The following ALG12 variants were observed in gnomAD, a reference collection of about 807,000 sequenced individuals.
ALG12 encodes the protein dol-P-Man:Man(7)GlcNAc(2)-PP-Dol alpha-1,6-mannosyltransferase.
Under a neutral mutation model 46.0 loss-of-function variants are expected in ALG12, and 36 were observed. The ratio of observed to expected loss-of-function variants is 0.78; its 90% CI spans 0.60 to 1.03. The LOEUF (loss-of-function observed/expected upper bound fraction) is 1.03, where lower values mean the gene tolerates loss of function less well. ALG12 is among the 50% of genes least tolerant of loss of function. ALG12 has a pLI of 0.00. For synonymous variants in ALG12, 326 were observed against 291.6 expected, an observed-to-expected ratio of 1.12 and a Z score of -1.20; for missense variants, 599 against 633.5, an observed-to-expected ratio of 0.95 and a Z score of 0.58.
the ALG12 span, chr22:49,884,734 C>G: frequency 6.3e-7 from 1 of 1,592,996 alleles, no homozygotes. Flanking sequence ...CCCTCCCACT[C>G]TGCTGCCTTC....
At chr22:49,897,166 T>C (rs2060486722), downstream of ALG12, among the ~76,000 whole-genome samples, 1 of 152,234 alleles carries the variant, frequency 6.6e-6, no homozygotes, top group African/African-American at 2.4e-5. Flanking sequence ...TTCTATGGGC[T>C]AGTCATTCAC....
the ALG12 span, among the ~76,000 whole-genome samples, chr22:49,894,592 T>G: frequency 6.6e-6 from 1 of 152,108 alleles, no homozygotes; most frequent in South Asian, 2.1e-4. Flanking sequence ...AGTGACCAAG[T>G]GGTGAGGTTA....
intron 5 of ALG12, among the ~76,000 whole-genome samples, chr22:49,909,574 A>G (rs1569175938): frequency 6.6e-6 from 1 of 152,154 alleles, no homozygotes; most frequent in Non-Finnish European, 1.5e-5. Context: ...TAAAACAAAA[A>G]AAGAAAAAAG....
rs1345011862 is a variant in ALG12 at position 49,909,293 on chromosome 22, C to T, written c.719G>A (p.Gly240Glu). Residue 240 changes from glycine (G) to glutamate (E), a missense_variant, in exon 6 of 10, where the codon GGA becomes GAA. By Grantham distance (98) the Gly-to-Glu change is moderately conservative. Coordinates refer to ENST00000330817, the MANE Select transcript of ALG12 (RefSeq NM_024105.4). The stretch of plus-strand genomic sequence containing the variant: ...GACAGTGTTGTACCAAAGCACCTTT[C>T]CTTCCGGCCAAGTGAGCTGCCGCCA... ...YFWRQLTWPE[G>E]KVLWYNTVLN... 54 of 1,614,144 alleles carry T rather than the reference C, an allele frequency of 3.3e-5. No individual in the cohort carries two copies. Among genetic ancestry groups the T allele is most frequent in the Non-Finnish European group, 4.6e-5 (54 of 1,180,060 alleles).
chr22:49,886,515 G>A, the ALG12 span: 2 of 1,569,504 alleles, frequency 1.3e-6, no homozygotes, highest in African/African-American at 1.3e-5. This position sits in a 1 kb window ranked among gnomAD's most constrained non-coding sequence, Gnocchi z 7.7. Context: ...GCACGCAGAT[G>A]TCCACCCTCA....
intron 3 of ALG12, among the ~76,000 whole-genome samples, chr22:49,911,735 G>A (rs1366810198): frequency 6.6e-6 from 1 of 152,154 alleles, no homozygotes; most frequent in Non-Finnish European, 1.5e-5. Context: ...TGCCCAGTCT[G>A]AATGTCTTAA....
the ALG12 span, among the ~76,000 whole-genome samples, chr22:49,865,266 T>A: frequency 2.0e-5 from 3 of 151,934 alleles, no homozygotes; most frequent in Admixed American, 2.0e-4. Context: ...AGTAAACAGA[T>A]GGTGTCGTTA....
At chr22:49,889,148 GC>G in the ALG12 span, 1,568 of 167,304 alleles carry the variant, frequency 9.4e-3, 19 homozygotes, top group South Asian at 0.027. Context: ...TTCCTGGAAT[GC>G]AACAGAGATT....
chr22:49,899,818 CCAGT>C (rs1481050282), downstream of ALG12, among the ~76,000 whole-genome samples: 5 of 151,816 alleles, frequency 3.3e-5, no homozygotes, highest in South Asian at 2.1e-4. Flanking sequence ...AGAGTGCCAG[CCAGT>C]GAGAAATCCT....
the ALG12 span, among the ~76,000 whole-genome samples, chr22:49,872,239 C>G: frequency 2.6e-5 from 4 of 152,282 alleles, no homozygotes; most frequent in East Asian, 7.7e-4. Context: ...TAACAGTGTT[C>G]ATAGCATCTC....
chr22:49,915,508 G>C (rs2060604562), intron 1 of ALG12, among the ~76,000 whole-genome samples: 1 of 151,554 alleles, frequency 6.6e-6, no homozygotes, highest in African/African-American at 2.4e-5. Context: ...AGTGAGCCGA[G>C]ATCACACCAC....
the ALG12 span, among the ~76,000 whole-genome samples, chr22:49,873,853 G>A: frequency 1.3e-5 from 1 of 79,816 alleles, no homozygotes; most frequent in Non-Finnish European, 4.0e-5. Flanking sequence ...CACCTTGTAG[G>A]TTGGAGCGAG....
downstream of ALG12, among the ~76,000 whole-genome samples, chr22:49,896,711 C>T (rs890072629): frequency 1.5e-4 from 23 of 152,240 alleles, no homozygotes; most frequent in Non-Finnish European, 3.2e-4. Flanking sequence ...TCTCAGCTCA[C>T]TGCAACCTCC....
At chr22:49,860,114 A>G in the ALG12 span, among the ~76,000 whole-genome samples, 3 of 142,294 alleles carry the variant, frequency 2.1e-5, no homozygotes, top group African/African-American at 5.3e-5. Flanking sequence ...TCTAGGCAGC[A>G]TGGCAGAACC....
rs999974341 is a variant in ALG12 at position 49,900,919 on chromosome 22, G to C, written c.*2919C>G. 6.6e-6 allele frequency: 1 copy of C among 152,278 alleles called. No individual in the cohort carries two copies. The highest frequency in any genetic ancestry group is 1.5e-5 in the Non-Finnish European group (1 of 68,084). The allele number at this position is 152,278 out of a possible 1,614,324, so 9.4% of individuals were successfully genotyped here. A position where few individuals can be genotyped will look rare whatever the true frequency, so the allele number is the denominator to read the frequency against. Reference sequence around the variant, plus strand: ...CGAGCACACCTCGTGTCTAGATCCCGGTCTCTAACGCTGTTCCCCACCAAA... The same window carrying C: ...CGAGCACACCTCGTGTCTAGATCCCCGTCTCTAACGCTGTTCCCCACCAAA... On this transcript the variant is annotated 3_prime_UTR_variant, in exon 10 of 10. Transcript: ENST00000330817.
chr22:49,890,657 A>G, the ALG12 span, among the ~76,000 whole-genome samples: 115,271 of 152,126 alleles, frequency 0.76, 44,228 homozygotes, highest in East Asian at 0.91. Flanking sequence ...AAAGACACTG[A>G]TGAGGCTTTC....
At chr22:49,885,396 G>T in the ALG12 span, 2 of 1,600,504 alleles carry the variant, frequency 1.2e-6, no homozygotes, top group South Asian at 1.1e-5. Flanking sequence ...CAAAAGTCGT[G>T]TGCTTGCACT....
chr22:49,885,573 C>T, the ALG12 span: 13 of 1,603,160 alleles, frequency 8.1e-6, no homozygotes, highest in East Asian at 1.1e-4. Context: ...AATTATCAGG[C>T]GCTTCCTCTT....
chr22:49,891,643 G>A, the ALG12 span, among the ~76,000 whole-genome samples: 1 of 152,114 alleles, frequency 6.6e-6, no homozygotes, highest in Non-Finnish European at 1.5e-5. Context: ...TAGATTTGAT[G>A]CTTGTTTTTG....
Sources: allele counts gnomAD v4.1 joint callset (sites outside exome capture counted in the v4.1 genomes callset), GRCh38; gene constraint gnomAD v4.1.1; non-coding constraint Gnocchi (gnomAD v3.1); transcripts MANE v1.5; gene names NCBI Gene and HGNC (gene_info 2026-07-23, HGNC 2026-07-21).